CSMD3: variants seen among roughly 807,000 people sequenced by gnomAD.
The protein encoded by CSMD3 is CUB and Sushi multiple domains 3.
In CSMD3, 177 loss-of-function variants were observed where a neutral mutation model predicts 435.2. The observed-to-expected ratio is 0.41, with a 90% CI of 0.36 to 0.46. The LOEUF (loss-of-function observed/expected upper bound fraction) is 0.46, where lower values mean the gene tolerates loss of function less well. Among genes scored for constraint, CSMD3 ranks in the 20% least tolerant of loss-of-function variants. CSMD3 has a pLI of 0.34. For synonymous variants in CSMD3, 1,656 were observed against 1,520.5 expected (o/e 1.09, Z -2.07); for missense variants, 4,265 against 4,504.6 (o/e 0.95, Z 1.52).
rs567344579 is a variant in CSMD3 at position 112,995,212 on chromosome 8, A to G, written c.1031-19064T>C. Among the ~76,000 whole-genome samples, 3 of 151,658 alleles carry G rather than the reference A, an allele frequency of 2.0e-5. No homozygotes were observed. In the South Asian group the frequency reaches 6.2e-4, roughly 31 times the overall value. ...CTGAATTGCTACATAAGAAAAAAAT[A>G]TGAAGATTGCATTTGAGTGACATAG... is the stretch of plus-strand genomic sequence containing the variant. On this transcript the variant is annotated intron_variant, in intron 6 of 70. Coordinates refer to ENST00000297405, the MANE Select transcript of CSMD3 (RefSeq NM_198123.2).
intron 11 of CSMD3, among the ~76,000 whole-genome samples, chr8:112,834,982 T>C (rs1380352267): frequency 1.3e-5 from 2 of 151,904 alleles, no homozygotes; most frequent in Non-Finnish European, 2.9e-5. Flanking sequence ...TGTCTTGATT[T>C]TTTTAAACCA....
At chr8:112,290,126 CTA>C (rs1412321497) in intron 56 of CSMD3, among the ~76,000 whole-genome samples, 1 of 152,000 alleles carries the variant, frequency 6.6e-6, no homozygotes. Flanking sequence ...GGCTTATAAA[CTA>C]AAACTGCTAC....
intron 5 of CSMD3, among the ~76,000 whole-genome samples, chr8:113,030,554 A>C (rs2087063558): frequency 6.6e-6 from 1 of 151,124 alleles, no homozygotes; most frequent in Admixed American, 6.6e-5. Context: ...CTTAAAAGTA[A>C]ATCTACGAAA....
intron 3 of CSMD3, among the ~76,000 whole-genome samples, chr8:113,229,669 A>G (rs2132178118): frequency 6.6e-6 from 1 of 151,690 alleles, no homozygotes; most frequent in Admixed American, 6.6e-5. Flanking sequence ...ATATACAAAT[A>G]TAATGCTGAC....
Position 112,742,978 on chromosome 8 carries a change from G to A in CSMD3, c.1973-52928C>T, listed in dbSNP as rs572977503. Among the ~76,000 whole-genome samples the A allele has an allele frequency of 6.4e-4, 98 of 152,052 alleles. 1 individual carries two copies. The highest frequency in any genetic ancestry group is 1.1e-3 in the Non-Finnish European group (76 of 67,936). ...TTCTGCTGTGACCCTGAAATTCTTA[G>A]TAATTTTAAATAAAGGGTCCAGTAT... On this transcript the variant is annotated intron_variant, in intron 13 of 70. Transcript: ENST00000297405.
chr8:113,041,569 G>C (rs2068985), intron 5 of CSMD3, among the ~76,000 whole-genome samples: 76,380 of 151,866 alleles, frequency 0.5, 21,567 homozygotes, highest in East Asian at 0.86. Flanking sequence ...CCAATCTAAA[G>C]GGATTTGGAA....
intron 3 of CSMD3, among the ~76,000 whole-genome samples, chr8:113,230,939 T>G (rs1478531501): frequency 6.6e-6 from 1 of 151,448 alleles, no homozygotes; most frequent in Non-Finnish European, 1.5e-5. Context: ...CTGTTCATTT[T>G]CAACAATATA....
intron 24 of CSMD3, among the ~76,000 whole-genome samples, chr8:112,572,969 A>G (rs141668632): frequency 6.6e-6 from 1 of 152,220 alleles, no homozygotes; most frequent in East Asian, 1.9e-4. Context: ...TTAAATAGTC[A>G]AAATAGCTGA....
intron 1 of CSMD3, among the ~76,000 whole-genome samples, chr8:113,423,427 A>C (rs530843133): frequency 3.2e-4 from 48 of 152,056 alleles, no homozygotes; most frequent in Non-Finnish European, 3.8e-4. Flanking sequence ...TTAGGCAAGC[A>C]GTCCATGTTA....
intron 10 of CSMD3, among the ~76,000 whole-genome samples, chr8:112,917,506 A>T (rs189458576): frequency 1.1e-4 from 16 of 151,178 alleles, no homozygotes; most frequent in Middle Eastern, 3.4e-3. Context: ...GGTACAAGTT[A>T]AAAAAAAAGT....
intron 22 of CSMD3, among the ~76,000 whole-genome samples, chr8:112,587,614 T>C (rs1341745635): frequency 6.6e-6 from 1 of 152,026 alleles, no homozygotes; most frequent in South Asian, 2.1e-4. Flanking sequence ...GGGTTTTGAA[T>C]AATTCTAACT....
rs142226803 is a variant in CSMD3 at position 112,363,968 on chromosome 8, T to C, written c.6137-11434A>G. 4.9e-3 allele frequency among the ~76,000 whole-genome samples: 744 copies of C among 152,122 alleles called. 5 individuals carry two copies. The highest frequency in any genetic ancestry group is 0.017 in the African/African-American group (689 of 41,564). On this transcript the variant is annotated intron_variant, in intron 38 of 70. Transcript: ENST00000297405. ...GTTAAAACAAGAAAATTAGTGTAAGTAAAAATACAGTTAATCTTAAAATCC... is the reference window on the plus strand; with the variant it reads ...GTTAAAACAAGAAAATTAGTGTAAGCAAAAATACAGTTAATCTTAAAATCC...
At chr8:113,026,964 A>G (rs532582916) in intron 5 of CSMD3, among the ~76,000 whole-genome samples, 1 of 152,320 alleles carries the variant, frequency 6.6e-6, no homozygotes, top group African/African-American at 2.4e-5. Flanking sequence ...CATGGTATAT[A>G]TCGAATCCAT....
At chr8:112,811,595 T>C (rs2132389610) in intron 12 of CSMD3, among the ~76,000 whole-genome samples, 1 of 152,166 alleles carries the variant, frequency 6.6e-6, no homozygotes, top group East Asian at 1.9e-4. Context: ...ATTTTTCTTT[T>C]GATAAAGACA....
At chr8:113,200,650 G>T (rs2092707270) in intron 3 of CSMD3, among the ~76,000 whole-genome samples, 1 of 150,998 alleles carries the variant, frequency 6.6e-6, no homozygotes, top group South Asian at 2.1e-4. Context: ...CGAGCTAGAA[G>T]AAGGGAGTAA....
intron 12 of CSMD3, among the ~76,000 whole-genome samples, chr8:112,801,237 G>GA: frequency 6.6e-6 from 1 of 152,012 alleles, no homozygotes; most frequent in Non-Finnish European, 1.5e-5. Context: ...AAAAACCTAC[G>GA]AGAGTGTTTA....
chr8:113,345,296 G>A (rs968362253), intron 1 of CSMD3, among the ~76,000 whole-genome samples: 4 of 152,044 alleles, frequency 2.6e-5, no homozygotes, highest in African/African-American at 9.7e-5. Flanking sequence ...TACTTCTGAA[G>A]TACAATCTTT....
At chr8:112,472,056 G>C (rs543793469) in intron 32 of CSMD3, among the ~76,000 whole-genome samples, 22 of 152,272 alleles carry the variant, frequency 1.4e-4, no homozygotes, top group African/African-American at 5.1e-4. Context: ...ATGCAGAACA[G>C]ATTGTCAGGT....
At chr8:112,420,055 T>G (rs1340973453) in intron 32 of CSMD3, among the ~76,000 whole-genome samples, 1 of 152,184 alleles carries the variant, frequency 6.6e-6, no homozygotes, top group African/African-American at 2.4e-5. Context: ...TTACACATTT[T>G]GTAGAACATG....
Sources: allele counts gnomAD v4.1 joint callset (sites outside exome capture counted in the v4.1 genomes callset), GRCh38; gene constraint gnomAD v4.1.1; transcripts MANE v1.5; gene names NCBI Gene and HGNC (gene_info 2026-07-23, HGNC 2026-07-21).